KCNQ1: variants seen among roughly 807,000 people sequenced by gnomAD.
KCNQ1 encodes the protein potassium voltage-gated channel subfamily KQT member 1.
In KCNQ1, 49 loss-of-function variants were observed where a neutral mutation model predicts 72.4. The ratio of observed to expected loss-of-function variants is 0.68; its 90% CI spans 0.54 to 0.86. The LOEUF (loss-of-function observed/expected upper bound fraction) is 0.86, where lower values mean the gene tolerates loss of function less well. KCNQ1 is among the 40% of genes least tolerant of loss of function. The pLI is 0.00. For missense variants in KCNQ1, 790 were observed against 945.1 expected, an observed-to-expected ratio of 0.84 and a Z score of 2.15; for synonymous variants, 450 against 412.6, an observed-to-expected ratio of 1.09 and a Z score of -1.10.
At chr11:2,632,698 A>C (rs1348041344) in intron 10 of KCNQ1, 1 of 398,228 alleles carries the variant, frequency 2.5e-6, no homozygotes, top group East Asian at 3.6e-5. Context: ...TTCTGTGCCT[A>C]ATTTCATTTA....
At chr11:2,662,992 G>A (rs1849996163) in intron 11 of KCNQ1, 2 of 398,788 alleles carry the variant, frequency 5.0e-6, no homozygotes, top group Non-Finnish European at 8.8e-6. Context: ...TGCAAGGCCT[G>A]GCCTTGCAAA....
intron 11 of KCNQ1, among the ~76,000 whole-genome samples, chr11:2,716,408 G>T (rs1011451888): frequency 3.3e-5 from 5 of 152,162 alleles, no homozygotes; most frequent in Admixed American, 3.3e-4. Context: ...TGGCCCATTG[G>T]CCAGAACACA....
Position 2,661,931 on chromosome 11 carries a change from T to A in KCNQ1, c.1394-30T>A. 2.5e-6 allele frequency: 4 copies of A among 1,614,016 alleles called. No homozygotes were observed. Among genetic ancestry groups the A allele is most frequent in the Non-Finnish European group, 3.4e-6 (4 of 1,180,024 alleles). On this transcript the variant is annotated intron_variant, in intron 10 of 15. Transcript: ENST00000155840. This position sits in a 1 kb window ranked among gnomAD's most constrained non-coding sequence, Gnocchi z 5.9. ...GCACTGGCAGGTTGGGTGGGAGGCC[T>A]AACGTGCTGTCCCCACACTTTCTCC...
chr11:2,812,089 C>T (rs1847499453), intron 15 of KCNQ1, among the ~76,000 whole-genome samples: 1 of 152,180 alleles, frequency 6.6e-6, no homozygotes, highest in East Asian at 1.9e-4. Flanking sequence ...CTCAGGAAGC[C>T]TCCCAGGCAC....
At chr11:2,650,414 C>T (rs1849739234) in intron 10 of KCNQ1, 1 of 398,582 alleles carries the variant, frequency 2.5e-6, no homozygotes, top group East Asian at 3.6e-5. Context: ...TTAGTAAGGA[C>T]TTTTCCTGTA....
intron 15 of KCNQ1, among the ~76,000 whole-genome samples, chr11:2,812,211 C>A (rs1352948587): frequency 6.6e-6 from 1 of 152,222 alleles, no homozygotes; most frequent in Admixed American, 6.5e-5. Context: ...TGAAACTTGT[C>A]TAAGAAGGAA....
intron 1 of KCNQ1, among the ~76,000 whole-genome samples, chr11:2,523,827 T>G (rs1327498201): frequency 7.2e-6 from 1 of 139,712 alleles, no homozygotes; most frequent in African/African-American, 2.7e-5. Context: ...CAGACCTGGG[T>G]CCTGCCCATG....
intron 1 of KCNQ1, among the ~76,000 whole-genome samples, chr11:2,465,610 C>T (rs1428886527): frequency 6.6e-6 from 1 of 152,234 alleles, no homozygotes; most frequent in Non-Finnish European, 1.5e-5. Flanking sequence ...ACACCTTGCT[C>T]ACGCTAGGTG....
intron 2 of KCNQ1, among the ~76,000 whole-genome samples, chr11:2,533,616 G>GGT (rs981601771): frequency 6.6e-6 from 1 of 152,234 alleles, no homozygotes. Context: ...ACATATGCCT[G>GGT]GTGTGTGTGT....
intron 11 of KCNQ1, among the ~76,000 whole-genome samples, chr11:2,707,437 C>T (rs1357635218): frequency 6.6e-6 from 1 of 152,228 alleles, no homozygotes; most frequent in African/African-American, 2.4e-5. Context: ...AAGAGCCCTC[C>T]CTTTTGGGGA....
chr11:2,699,889 C>T (rs572646517), intron 11 of KCNQ1: 5 of 398,488 alleles, frequency 1.3e-5, no homozygotes, highest in South Asian at 2.5e-4. Context: ...CCGGGGAGGA[C>T]CACGCTGAGA....
rs540550533 is a variant in KCNQ1 at position 2,479,309 on chromosome 11, C to T, written c.386+33825C>T. Among the ~76,000 whole-genome samples the T allele has an allele frequency of 6.6e-6, 1 of 152,374 alleles. No individual in the cohort carries two copies. The highest frequency in any genetic ancestry group is 1.9e-4 in the East Asian group (1 of 5,178). On this transcript the variant is annotated intron_variant, in intron 1 of 15. Coordinates refer to ENST00000155840, the MANE Select transcript of KCNQ1 (RefSeq NM_000218.3). This position sits in a 1 kb window ranked among gnomAD's most constrained non-coding sequence, Gnocchi z 4.6. Reference sequence around the variant, plus strand: ...GGGCTCCAACCCCACTTTTCCCTTCCTCACTGCCCTAGCAGAGGTTCTCCA... The same window carrying T: ...GGGCTCCAACCCCACTTTTCCCTTCTTCACTGCCCTAGCAGAGGTTCTCCA...
At chr11:2,843,211 C>T (rs1381220164) in intron 15 of KCNQ1, among the ~76,000 whole-genome samples, 1 of 152,258 alleles carries the variant, frequency 6.6e-6, no homozygotes, top group Non-Finnish European at 1.5e-5. Flanking sequence ...CAAAGTCAAA[C>T]ACAATCGCTC....
chr11:2,807,444 C>T (rs1847401214), intron 15 of KCNQ1, among the ~76,000 whole-genome samples: 1 of 152,220 alleles, frequency 6.6e-6, no homozygotes, highest in Admixed American at 6.5e-5. Context: ...ACTGGGCCTC[C>T]TCGCCCCCCC....
At chr11:2,730,237 A>G (rs1028252813) in intron 11 of KCNQ1, among the ~76,000 whole-genome samples, 2 of 152,200 alleles carry the variant, frequency 1.3e-5, no homozygotes, top group African/African-American at 4.8e-5. Flanking sequence ...GCGAGGAGGA[A>G]GTAGTAGATT....
rs958755285 is a variant in KCNQ1 at position 2,492,950 on chromosome 11, T to G, written c.387-34978T>G. ...TCACCACGCTGTCTTCCACAATGGT[T>G]GAACTAATTTACACTCCCACCAACA... On this transcript the variant is annotated intron_variant, in intron 1 of 15. Coordinates refer to ENST00000155840, the MANE Select transcript of KCNQ1 (RefSeq NM_000218.3). This position sits in a 1 kb window ranked among gnomAD's most constrained non-coding sequence, Gnocchi z 4.1. 5.9e-5 allele frequency among the ~76,000 whole-genome samples: 9 copies of G among 152,336 alleles called. No individual in the cohort carries two copies. Among genetic ancestry groups the G allele is most frequent in the East Asian group, 3.9e-4 (2 of 5,182 alleles).
intron 2 of KCNQ1, among the ~76,000 whole-genome samples, chr11:2,569,007 C>G (rs1349329003): frequency 6.6e-6 from 1 of 152,202 alleles, no homozygotes; most frequent in Non-Finnish European, 1.5e-5. Flanking sequence ...GCCTCAGCCT[C>G]CTGAGTAGCT....
chr11:2,650,425 C>T (rs985627286), intron 10 of KCNQ1: 14 of 398,418 alleles, frequency 3.5e-5, no homozygotes, highest in African/African-American at 2.5e-4. Flanking sequence ...TTTTCCTGTA[C>T]ACGCGTCTGT....
intron 15 of KCNQ1, among the ~76,000 whole-genome samples, chr11:2,844,190 T>A (rs1320080883): frequency 6.6e-6 from 1 of 152,118 alleles, no homozygotes; most frequent in East Asian, 1.9e-4. Flanking sequence ...ACACGTGCTG[T>A]GACAAGTGCT....
Sources: allele counts gnomAD v4.1 joint callset (sites outside exome capture counted in the v4.1 genomes callset), GRCh38; gene constraint gnomAD v4.1.1; non-coding constraint Gnocchi (gnomAD v3.1); transcripts MANE v1.5; gene names NCBI Gene and HGNC (gene_info 2026-07-23, HGNC 2026-07-21).